The following PTPRT variants were observed in gnomAD, a reference collection of about 807,000 sequenced individuals.
The protein encoded by PTPRT is protein tyrosine phosphatase receptor type T, also known as receptor-type tyrosine-protein phosphatase T.
In PTPRT, 56 loss-of-function variants were observed where a neutral mutation model predicts 176.8. That is an observed-to-expected ratio of 0.32 (90% CI 0.26 to 0.40). The LOEUF (loss-of-function observed/expected upper bound fraction) is 0.40. PTPRT is among the 10% of genes least tolerant of loss of function. The pLI, the probability that PTPRT is intolerant of heterozygous loss-of-function variation, is 1.00. For missense variants in PTPRT, 1,540 were observed against 1,908.2 expected (o/e 0.81, Z 3.60); for synonymous variants, 783 against 739.0 (o/e 1.06, Z -0.96).
At chr20:43,111,125 G>A (rs890526491) in intron 1 of PTPRT, among the ~76,000 whole-genome samples, 1 of 152,158 alleles carries the variant, frequency 6.6e-6, no homozygotes, top group Non-Finnish European at 1.5e-5. Flanking sequence ...TAGACAAGCA[G>A]CCCAAGGTGC....
intron 13 of PTPRT, among the ~76,000 whole-genome samples, chr20:42,258,963 G>T (rs944196491): frequency 2.6e-5 from 4 of 152,234 alleles, no homozygotes; most frequent in Non-Finnish European, 5.9e-5. Context: ...TCAGTCCTAA[G>T]AAGTTAGAAT....
chr20:42,567,252 C>A (rs1486773023), intron 7 of PTPRT, among the ~76,000 whole-genome samples: 7 of 147,774 alleles, frequency 4.7e-5, no homozygotes, highest in Non-Finnish European at 8.9e-5. Context: ...CCAGCCTGGG[C>A]AACAAGAGTG....
chr20:42,951,166 T>C (rs986473066), intron 1 of PTPRT, among the ~76,000 whole-genome samples: 4 of 151,922 alleles, frequency 2.6e-5, no homozygotes, highest in Non-Finnish European at 4.4e-5. Context: ...TGTGGATATA[T>C]GATAGATGGA....
chr20:42,467,365 C>A (rs2071118161), intron 8 of PTPRT, among the ~76,000 whole-genome samples: 1 of 152,146 alleles, frequency 6.6e-6, no homozygotes, highest in Non-Finnish European at 1.5e-5. Context: ...TATGTGACAT[C>A]ATCAGTACTG....
At chr20:42,082,312 G>A (rs766708743) in intron 29 of PTPRT, among the ~76,000 whole-genome samples, 2 of 152,132 alleles carry the variant, frequency 1.3e-5, no homozygotes, top group African/African-American at 4.8e-5. Context: ...TGTTTTCTTG[G>A]TTCTATGAGC....
chr20:43,117,224 C>G (rs2013094350), intron 1 of PTPRT, among the ~76,000 whole-genome samples: 1 of 152,138 alleles, frequency 6.6e-6, no homozygotes. Context: ...CATGCTGCAT[C>G]TCTACTGGGA....
At chr20:42,461,361 A>C (rs2071016588) in intron 8 of PTPRT, among the ~76,000 whole-genome samples, 1 of 152,116 alleles carries the variant, frequency 6.6e-6, no homozygotes, top group Non-Finnish European at 1.5e-5. Flanking sequence ...AAAATAAATA[A>C]AACAAATAAA....
chr20:43,109,856 T>A (rs184248431), intron 1 of PTPRT, among the ~76,000 whole-genome samples: 2 of 151,896 alleles, frequency 1.3e-5, no homozygotes, highest in Non-Finnish European at 2.9e-5. Flanking sequence ...AAAAAGAAAT[T>A]TGGCATGCTC....
chr20:42,952,350 T>C (rs534788436), intron 1 of PTPRT, among the ~76,000 whole-genome samples: 114 of 152,332 alleles, frequency 7.5e-4, no homozygotes, highest in Non-Finnish European at 1.2e-3. Context: ...ATCAGAATCA[T>C]CTTGCCTCTG....
chr20:42,226,387 C>T (rs1347332198), intron 15 of PTPRT, among the ~76,000 whole-genome samples: 1 of 152,178 alleles, frequency 6.6e-6, no homozygotes, highest in African/African-American at 2.4e-5. Context: ...CTTTTTCCTG[C>T]TTGGCACAGT....
chr20:42,819,179 C>A (rs2077844999), intron 2 of PTPRT, among the ~76,000 whole-genome samples: 1 of 152,172 alleles, frequency 6.6e-6, no homozygotes, highest in South Asian at 2.1e-4. Context: ...CAAAGGGAAG[C>A]CCATCAGACT....
At chr20:42,182,834 C>G (rs567515259) in intron 16 of PTPRT, among the ~76,000 whole-genome samples, 2 of 151,998 alleles carry the variant, frequency 1.3e-5, no homozygotes, top group Non-Finnish European at 2.9e-5. Context: ...AACACCTTCT[C>G]TCTACCATTG....
chr20:42,411,517 CA>C (rs10591184), intron 9 of PTPRT, among the ~76,000 whole-genome samples: 66 of 88,290 alleles, frequency 7.5e-4, no homozygotes, highest in East Asian at 2.9e-3. Flanking sequence ...AACCCTGTCT[CA>C]AAAAAAAAAA....
chr20:42,790,297 T>G (rs1175002962), intron 3 of PTPRT, among the ~76,000 whole-genome samples: 5 of 151,930 alleles, frequency 3.3e-5, no homozygotes, highest in South Asian at 2.1e-4. Flanking sequence ...CTAAGCATGC[T>G]TTATGGATTG....
At chr20:42,999,293 A>G (rs1166754413) in intron 1 of PTPRT, among the ~76,000 whole-genome samples, 1 of 152,326 alleles carries the variant, frequency 6.6e-6, no homozygotes, top group East Asian at 1.9e-4. Flanking sequence ...AAAAGCAAAC[A>G]GTCATTATTT....
chr20:42,347,288 G>A (rs149679378), intron 11 of PTPRT, among the ~76,000 whole-genome samples: 321 of 152,308 alleles, frequency 2.1e-3, no homozygotes, highest in Admixed American at 4.8e-3. Flanking sequence ...TTAACCCAGT[G>A]CATCTAGTGA....
At position 42,086,747 on chromosome 20, in the gene PTPRT, A is replaced by ATATATATATATATATAT. The variant is rs59722053; in HGVS notation, c.3847-895_3847-894insATATATATATATATATA. ...ATCTCAAAAAAAAAAAAAAAAAAAAAAAAAAAATATATATATATATGGGTT... is the reference window on the plus strand; with the variant it reads ...ATCTCAAAAAAAAAAAAAAAAAAAAATATATATATATATATATAAAAAAATATATATATATATGGGTT... On this transcript the variant is annotated intron_variant, in intron 27 of 30. Coordinates refer to ENST00000373187, the MANE Select transcript of PTPRT (RefSeq NM_007050.6). 2.9e-4 allele frequency among the ~76,000 whole-genome samples: 17 copies of ATATATATATATATATAT among 58,744 alleles called. 1 individual carries two copies. The highest frequency in any genetic ancestry group is 1.0e-3 in the African/African-American group (13 of 12,940). 38.5% of individuals were successfully genotyped at this position (58,744 alleles called of 152,430 possible).
chr20:43,064,034 A>T (rs573685327), intron 1 of PTPRT, among the ~76,000 whole-genome samples: 61 of 145,576 alleles, frequency 4.2e-4, no homozygotes, highest in Middle Eastern at 7.2e-3. Flanking sequence ...AACTTTTCTT[A>T]AAAAAAAAAA....
rs535390019 is a variant in PTPRT at position 42,231,351 on chromosome 20, AC to A, written c.2342+4877del. Among the ~76,000 whole-genome samples the A allele has an allele frequency of 1.4e-4, 22 of 152,176 alleles. No individual in the cohort carries two copies. The East Asian group carries it at 4.1e-3, about 28-fold the overall frequency. On this transcript the variant is annotated intron_variant, in intron 15 of 30. Transcript: ENST00000373187. Reference sequence around the variant, plus strand: ...CCATGTGGTCCTGAGTTCAAACTTAACCCTGCTGCATTCTGGCTGTGAGCAA... The same window carrying A: ...CCATGTGGTCCTGAGTTCAAACTTAACCTGCTGCATTCTGGCTGTGAGCAA...
Sources: gnomAD v4.1 joint callset for allele counts (sites outside exome capture counted in the v4.1 genomes callset) on GRCh38, gnomAD v4.1.1 for gene constraint, MANE v1.5 for transcripts, NCBI Gene and HGNC (gene_info 2026-07-23, HGNC 2026-07-21) for gene names.